Variants in MFF observed in about 807,000 individuals in gnomAD.
MFF encodes the protein mitochondrial fission factor.
MFF carries 12 observed loss-of-function variants against 36.9 expected under a neutral mutation model. The observed-to-expected ratio is 0.33, with a 90% confidence interval of 0.21 to 0.53. The LOEUF is 0.53. MFF is among the 20% of genes least tolerant of loss of function. The pLI, the probability that MFF is intolerant of heterozygous loss-of-function variation, is 0.95. For missense variants in MFF, 348 were observed against 366.6 expected, an observed-to-expected ratio of 0.95 and a Z score of 0.42; for synonymous variants, 99 against 126.2, an observed-to-expected ratio of 0.78 and a Z score of 1.44.
At chr2:227,345,900 G>T (rs2075685475) in intron 5 of MFF, among the ~76,000 whole-genome samples, 1 of 152,100 alleles carries the variant, frequency 6.6e-6, no homozygotes, top group Admixed American at 6.6e-5. Context: ...AGTGAATCAG[G>T]CTTGATAGAT....
chr2:227,355,518 T>C, intron 7 of MFF, 159 bp from the exon 8 acceptor site: 1 of 410,442 alleles, frequency 2.4e-6, no homozygotes, highest in Non-Finnish European at 4.5e-6. Flanking sequence ...CTTTCCTTTA[T>C]TAGTACAAAT....
intron 7 of MFF, 64 bp from the exon 8 acceptor site, chr2:227,355,613 T>G: frequency 2.4e-6 from 2 of 824,414 alleles, no homozygotes; most frequent in Non-Finnish European, 2.0e-6. Context: ...AAGCATGATG[T>G]GGCGTGCCAT....
At chr2:227,331,201 T>C (rs1559948224) in intron 3 of MFF, among the ~76,000 whole-genome samples, 1 of 152,194 alleles carries the variant, frequency 6.6e-6, no homozygotes, top group East Asian at 1.9e-4. Context: ...ACCCCTCAAC[T>C]CTAGGCAACC....
At chr2:227,333,033 T>C (rs939940344) in intron 4 of MFF, among the ~76,000 whole-genome samples, 2 of 152,254 alleles carry the variant, frequency 1.3e-5, no homozygotes, top group Non-Finnish European at 2.9e-5. Context: ...ATCACGTTAA[T>C]GTGCCAGTTG....
intron 5 of MFF, among the ~76,000 whole-genome samples, chr2:227,342,254 G>A (rs4396711): frequency 1 from 152,180 of 152,186 alleles, 76,087 homozygotes; most frequent in Non-Finnish European, 1. Context: ...ACCATGTTAT[G>A]TATGTATTTT....
Position 227,340,320 on chromosome 2 carries a change from A to G in MFF, c.380A>G (p.Glu127Gly). The G allele has an allele frequency of 6.2e-7, 1 of 1,613,956 alleles. No homozygotes were observed. Among genetic ancestry groups the G allele is most frequent in the South Asian group, 1.1e-5 (1 of 91,066 alleles). Reference sequence around the variant, plus strand: ...CGAGCAGTTGGCAGACTAAAAAGAGAGCGGTCTATGAGTGAAAATGCTGTT... The same window carrying G: ...CGAGCAGTTGGCAGACTAAAAAGAGGGCGGTCTATGAGTGAAAATGCTGTT... ...EIRAVGRLKR[E>G]RSMSENAVRQ... Residue 127 changes from glutamate (E) to glycine (G), a missense_variant, in exon 5 of 9, where the codon GAG becomes GGG. Physicochemically the swap from Glu to Gly is moderately conservative, Grantham distance 98. Coordinates refer to ENST00000304593, the MANE Select transcript of MFF (RefSeq NM_001277062.2).
intron 8 of MFF, among the ~76,000 whole-genome samples, chr2:227,356,455 A>G (rs1216240813): frequency 6.6e-6 from 1 of 152,162 alleles, no homozygotes; most frequent in East Asian, 1.9e-4. Context: ...ATTAGCCTTC[A>G]GGCCTGAAGG....
chr2:227,342,672 G>T, intron 5 of MFF: 1 of 1,274,946 alleles, frequency 7.8e-7, no homozygotes, highest in South Asian at 1.3e-5. Context: ...ATTCTAAACA[G>T]TAAAATCAGA....
intron 4 of MFF, among the ~76,000 whole-genome samples, chr2:227,339,531 C>A (rs1216578955): frequency 6.6e-6 from 1 of 152,230 alleles, no homozygotes; most frequent in Non-Finnish European, 1.5e-5. Flanking sequence ...GGGTTGTTGG[C>A]AGGTGCACTT....
At chr2:227,330,379 T>C in intron 2 of MFF, 1 of 464,530 alleles carries the variant, frequency 2.2e-6, no homozygotes, top group Non-Finnish European at 3.8e-6. Flanking sequence ...GTTGTAATTC[T>C]ATAATAATTT....
At chr2:227,330,915 A>G (rs575143013) in intron 3 of MFF, 69 bp downstream of exon 3, 2 of 1,310,964 alleles carry the variant, frequency 1.5e-6, no homozygotes, top group African/African-American at 3.0e-5. Context: ...AAAACTTTTG[A>G]GTTTTTCTAA....
At chr2:227,343,371 A>G (rs538455655) in intron 5 of MFF, among the ~76,000 whole-genome samples, 1 of 152,258 alleles carries the variant, frequency 6.6e-6, no homozygotes, top group South Asian at 2.1e-4. Context: ...ATGGAGCACA[A>G]CGTTTTGGTA....
At chr2:227,355,979 G>A (rs1237945836) in intron 8 of MFF, among the ~76,000 whole-genome samples, 1 of 147,370 alleles carries the variant, frequency 6.8e-6, no homozygotes, top group African/African-American at 2.6e-5. Flanking sequence ...TGTAATTCTG[G>A]CCAGTAACAA....
At chr2:227,328,311 A>C (rs1018537539) in intron 1 of MFF, among the ~76,000 whole-genome samples, 4 of 148,146 alleles carry the variant, frequency 2.7e-5, no homozygotes, top group South Asian at 2.2e-4. Context: ...AAAAAAAAAA[A>C]AAAAAAAAAC....
chr2:227,336,494 G>A (rs1303102087), intron 4 of MFF, among the ~76,000 whole-genome samples: 1 of 152,192 alleles, frequency 6.6e-6, no homozygotes, highest in African/African-American at 2.4e-5. Context: ...AAAATCAGTT[G>A]GCATATATAA....
chr2:227,333,376 T>C (rs966189723), intron 4 of MFF, among the ~76,000 whole-genome samples: 1 of 152,198 alleles, frequency 6.6e-6, no homozygotes, highest in Non-Finnish European at 1.5e-5. Flanking sequence ...GCTGACATAA[T>C]TGAGGTAATA....
At chr2:227,348,297 G>T (rs1249427490) in intron 6 of MFF, among the ~76,000 whole-genome samples, 1 of 152,082 alleles carries the variant, frequency 6.6e-6, no homozygotes, top group Admixed American at 6.6e-5. Flanking sequence ...TTTTCTTGTT[G>T]AGTGCTTGTA....
At chr2:227,347,068 C>G (rs1249189722) in intron 5 of MFF, 158 bp from the exon 6 acceptor site, 2 of 586,318 alleles carry the variant, frequency 3.4e-6, no homozygotes, top group Non-Finnish European at 5.9e-6. Context: ...GGAAACAATT[C>G]AAAATATTTA....
intron 2 of MFF, chr2:227,329,476 G>T: frequency 2.8e-6 from 1 of 356,400 alleles, no homozygotes. Context: ...TTTAACAATT[G>T]GTTTCTCAAA....
Sources: gnomAD v4.1 joint callset for allele counts (sites outside exome capture counted in the v4.1 genomes callset) on GRCh38, gnomAD v4.1.1 for gene constraint, MANE v1.5 for transcripts, NCBI Gene and HGNC (gene_info 2026-07-23, HGNC 2026-07-21) for gene names.